Variants in SOX5 observed in about 807,000 individuals in gnomAD.
The protein encoded by SOX5 is transcription factor SOX-5.
In SOX5, 9 loss-of-function variants were observed where a neutral mutation model predicts 92.0. The observed-to-expected ratio is 0.10, with a 90% confidence interval of 0.06 to 0.17. The LOEUF is 0.17. SOX5 is among the 10% of genes least tolerant of loss of function. The pLI, the probability that SOX5 is intolerant of heterozygous loss-of-function variation, is 1.00. For synonymous variants in SOX5, 344 were observed against 336.3 expected (o/e 1.02, Z -0.25); for missense variants, 642 against 944.5 (o/e 0.68, Z 4.20).
At chr12:23,932,730 T>C (rs766972993) in intron 1 of SOX5, among the ~76,000 whole-genome samples, 1 of 151,574 alleles carries the variant, frequency 6.6e-6, no homozygotes, top group Non-Finnish European at 1.5e-5. Flanking sequence ...TAAATGAACA[T>C]TTTTTAGGTG....
intron 4 of SOX5, among the ~76,000 whole-genome samples, chr12:24,066,824 C>T (rs534763993): frequency 1.3e-5 from 2 of 152,346 alleles, no homozygotes; most frequent in Admixed American, 6.5e-5. Context: ...AAAGTCCAAA[C>T]TGGCACAAAG....
chr12:24,037,393 C>T (rs1311396295), intron 4 of SOX5, among the ~76,000 whole-genome samples: 1 of 152,152 alleles, frequency 6.6e-6, no homozygotes, highest in Non-Finnish European at 1.5e-5. Flanking sequence ...ACAGTAAAAA[C>T]ATTCCATGAT....
chr12:24,429,273 C>T (rs1341158454), intron 1 of SOX5, among the ~76,000 whole-genome samples: 1 of 151,814 alleles, frequency 6.6e-6, no homozygotes, highest in Non-Finnish European at 1.5e-5. Context: ...GCCAAGACTG[C>T]CCCACTGCAC....
At chr12:23,784,164 G>A (rs1402925261) in intron 3 of SOX5, among the ~76,000 whole-genome samples, 1 of 152,112 alleles carries the variant, frequency 6.6e-6, no homozygotes, top group Non-Finnish European at 1.5e-5. Context: ...GGAAGACTTG[G>A]CTCATTGAGC....
At chr12:23,626,690 T>TTTTA (rs1491142532) in intron 8 of SOX5, among the ~76,000 whole-genome samples, 1 of 145,058 alleles carries the variant, frequency 6.9e-6, no homozygotes, top group African/African-American at 2.5e-5. Flanking sequence ...TTTTTTTTTT[T>TTTTA]ATCTTATCCC....
chr12:23,863,687 ATAC>A (rs1317615183), intron 2 of SOX5, among the ~76,000 whole-genome samples: 2 of 151,996 alleles, frequency 1.3e-5, no homozygotes, highest in African/African-American at 4.8e-5. Context: ...TCAACTTTCT[ATAC>A]TACTTATAAT....
intron 6 of SOX5, among the ~76,000 whole-genome samples, chr12:23,704,010 T>A (rs2091031402): frequency 1.3e-5 from 2 of 152,022 alleles, no homozygotes; most frequent in African/African-American, 4.8e-5. Flanking sequence ...AGATGATTAA[T>A]ATAATACGAT....
intron 2 of SOX5, among the ~76,000 whole-genome samples, chr12:23,848,182 T>C (rs2136098191): frequency 6.6e-6 from 1 of 152,308 alleles, no homozygotes; most frequent in South Asian, 2.1e-4. Flanking sequence ...CATTATATGA[T>C]GACAAACTTT....
chr12:24,426,637 A>G (rs1966803415), intron 1 of SOX5, among the ~76,000 whole-genome samples: 1 of 152,228 alleles, frequency 6.6e-6, no homozygotes, highest in Admixed American at 6.5e-5. Flanking sequence ...TCATAAAAAC[A>G]AAGTTTACAG....
chr12:23,741,628 A>G (rs943037658), intron 4 of SOX5, among the ~76,000 whole-genome samples: 4 of 152,224 alleles, frequency 2.6e-5, no homozygotes, highest in Non-Finnish European at 5.9e-5. Context: ...AAAGAGAGCA[A>G]ACATCTATCT....
intron 1 of SOX5, among the ~76,000 whole-genome samples, chr12:23,924,798 T>A (rs1320382070): frequency 6.6e-6 from 1 of 152,162 alleles, no homozygotes; most frequent in South Asian, 2.1e-4. Context: ...ACTTGACACT[T>A]CAACAAGGTC....
chr12:24,374,637 T>C (rs1030540052), intron 1 of SOX5, among the ~76,000 whole-genome samples: 1 of 152,132 alleles, frequency 6.6e-6, no homozygotes, highest in Non-Finnish European at 1.5e-5. Flanking sequence ...ACAGATTCAC[T>C]GGCTCAAAGT....
At chr12:24,175,969 G>C (rs1244285302) in intron 4 of SOX5, among the ~76,000 whole-genome samples, 2 of 149,096 alleles carry the variant, frequency 1.3e-5, no homozygotes, top group Non-Finnish European at 3.0e-5. Flanking sequence ...CTCTTCTCAA[G>C]GCAAGGCCCA....
At chr12:24,428,046 ATTTT>A (rs568321079) in intron 1 of SOX5, among the ~76,000 whole-genome samples, 1 of 149,524 alleles carries the variant, frequency 6.7e-6, no homozygotes. Flanking sequence ...TGCATTCCAG[ATTTT>A]TTTTGAGAAA....
chr12:23,768,522 T>A (rs2094814574), intron 3 of SOX5, among the ~76,000 whole-genome samples: 1 of 152,174 alleles, frequency 6.6e-6, no homozygotes, highest in African/African-American at 2.4e-5. Context: ...ATTCTCCCAA[T>A]TCTTCAAAGG....
intron 6 of SOX5, among the ~76,000 whole-genome samples, chr12:23,711,343 A>G (rs1241502678): frequency 1.3e-5 from 2 of 152,162 alleles, no homozygotes; most frequent in Non-Finnish European, 2.9e-5. Context: ...CATTTATCAA[A>G]TATACCCTGT....
chr12:24,351,881 T>G (rs932954263), intron 2 of SOX5, among the ~76,000 whole-genome samples: 1 of 152,256 alleles, frequency 6.6e-6, no homozygotes, highest in African/African-American at 2.4e-5. Flanking sequence ...ATTTCTCACC[T>G]GTTACCATGG....
chr12:23,866,655 A>C (rs963168123), intron 2 of SOX5, among the ~76,000 whole-genome samples: 42 of 152,172 alleles, frequency 2.8e-4, no homozygotes, highest in African/African-American at 9.4e-4. Context: ...CAAAGTTTTT[A>C]ATAACCTCCT....
At chr12:23,736,175 C>A (rs1262074366) in intron 5 of SOX5, among the ~76,000 whole-genome samples, 1 of 150,950 alleles carries the variant, frequency 6.6e-6, no homozygotes, top group Non-Finnish European at 1.5e-5. Flanking sequence ...AAAAAAAAAT[C>A]TCTTGGCCGG....
Sources: gnomAD v4.1 joint callset for allele counts (sites outside exome capture counted in the v4.1 genomes callset) on GRCh38, gnomAD v4.1.1 for gene constraint, MANE v1.5 for transcripts, NCBI Gene and HGNC (gene_info 2026-07-23, HGNC 2026-07-21) for gene names.